The following RALYL variants were observed in gnomAD, a reference collection of about 807,000 sequenced individuals.
The protein encoded by RALYL is RNA-binding Raly-like protein.
RALYL carries 29 observed loss-of-function variants against 35.1 expected under a neutral mutation model. The observed-to-expected ratio is 0.83, with a 90% CI of 0.61 to 1.13. The LOEUF (loss-of-function observed/expected upper bound fraction) is 1.13, where lower values mean the gene tolerates loss of function less well. Among genes scored for constraint, RALYL ranks in the 50% most tolerant of loss-of-function variants. RALYL has a pLI of 0.00. For missense variants in RALYL, 359 were observed against 360.4 expected (o/e 1.00, Z 0.03); for synonymous variants, 120 against 127.6 (o/e 0.94, Z 0.40).
chr8:84,504,107 G>A (rs754943302), intron 1 of RALYL, among the ~76,000 whole-genome samples: 1 of 151,774 alleles, frequency 6.6e-6, no homozygotes, highest in Admixed American at 6.6e-5. Context: ...AAATAAAATA[G>A]TTACTATAAA....
At chr8:84,730,571 A>G (rs1259152910) in intron 2 of RALYL, among the ~76,000 whole-genome samples, 3 of 152,146 alleles carry the variant, frequency 2.0e-5, no homozygotes, top group East Asian at 1.9e-4. Flanking sequence ...AGGGTATTCA[A>G]TTAGGAAAAG....
intron 1 of RALYL, among the ~76,000 whole-genome samples, chr8:84,427,576 A>G (rs927472182): frequency 6.6e-6 from 1 of 152,080 alleles, no homozygotes; most frequent in Non-Finnish European, 1.5e-5. Flanking sequence ...GTTCTTTAGT[A>G]TCATTTTTTA....
intron 1 of RALYL, among the ~76,000 whole-genome samples, chr8:84,354,758 G>A (rs1391277796): frequency 2.0e-5 from 3 of 150,244 alleles, no homozygotes; most frequent in Non-Finnish European, 4.4e-5. Context: ...GACAGGGGTA[G>A]CTAAAAGCTT....
chr8:84,494,681 T>C (rs918731786), intron 1 of RALYL, among the ~76,000 whole-genome samples: 1 of 152,156 alleles, frequency 6.6e-6, no homozygotes, highest in Non-Finnish European at 1.5e-5. Context: ...AATTCATTCA[T>C]GATTTGGCTC....
Position 84,774,673 on chromosome 8 carries a change from T to A in RALYL, c.332+19T>A. The A allele has an allele frequency of 6.5e-7, 1 of 1,541,438 alleles. No homozygotes were observed. The highest frequency in any genetic ancestry group is 1.2e-5 in the South Asian group (1 of 86,472). On this transcript the variant is annotated intron_variant, in intron 3 of 8. Coordinates refer to ENST00000521268, the MANE Select transcript of RALYL (RefSeq NM_173848.7). ...TTTACAGGTAAGTAGATAAGCACTG[T>A]TTTACTCTATATATTAGTGAAATTT...
intron 1 of RALYL, among the ~76,000 whole-genome samples, chr8:84,359,879 T>TG (rs1487174458): frequency 2.4e-5 from 3 of 126,452 alleles, no homozygotes; most frequent in Non-Finnish European, 3.6e-5. Context: ...AAAAATATCA[T>TG]GTTTTTTTTT....
At chr8:84,295,094 G>A (rs561372585) in intron 1 of RALYL, among the ~76,000 whole-genome samples, 55 of 152,250 alleles carry the variant, frequency 3.6e-4, no homozygotes, top group African/African-American at 1.3e-3. Flanking sequence ...TCTTATCTGG[G>A]TAAGAGAGAA....
chr8:84,779,452 T>G (rs534253491), intron 3 of RALYL, among the ~76,000 whole-genome samples: 1 of 152,264 alleles, frequency 6.6e-6, no homozygotes, highest in East Asian at 1.9e-4. Flanking sequence ...CAGTAAGACA[T>G]GTAGTATATA....
chr8:84,514,691 C>A (rs1454393934), intron 1 of RALYL, among the ~76,000 whole-genome samples: 1 of 152,142 alleles, frequency 6.6e-6, no homozygotes, highest in African/African-American at 2.4e-5. Flanking sequence ...TTCCAACATA[C>A]AAATTTTGAA....
At chr8:84,250,351 C>T (rs767210838) in intron 1 of RALYL, among the ~76,000 whole-genome samples, 88 of 151,814 alleles carry the variant, frequency 5.8e-4, no homozygotes, top group African/African-American at 1.7e-3. Flanking sequence ...TGTTATGTTT[C>T]GTTTTTATTT....
chr8:84,284,048 T>C (rs576253930), intron 1 of RALYL, among the ~76,000 whole-genome samples: 31 of 152,156 alleles, frequency 2.0e-4, no homozygotes, highest in Non-Finnish European at 3.7e-4. Flanking sequence ...ATAATTTTGT[T>C]GTAAAGACTA....
Position 84,849,039 on chromosome 8 carries a change from A to G in RALYL, c.366-941A>G, listed in dbSNP as rs112590359. Among the ~76,000 whole-genome samples the G allele has an allele frequency of 3.0e-3, 456 of 152,254 alleles. 1 individual carries two copies. The highest frequency in any genetic ancestry group is 0.011 in the African/African-American group (444 of 41,548). Reference sequence around the variant, plus strand: ...AGTCACTTAGGTCTGTTGCACCTTAATTTCTTCAGGTTATGCTGTCCAACA... The same window carrying G: ...AGTCACTTAGGTCTGTTGCACCTTAGTTTCTTCAGGTTATGCTGTCCAACA... On this transcript the variant is annotated intron_variant, in intron 4 of 8. Coordinates refer to ENST00000521268, the MANE Select transcript of RALYL (RefSeq NM_173848.7).
intron 2 of RALYL, among the ~76,000 whole-genome samples, chr8:84,674,572 A>G (rs952602835): frequency 6.6e-6 from 1 of 151,782 alleles, no homozygotes; most frequent in African/African-American, 2.4e-5. Context: ...GGCTCTTCCT[A>G]CTCCTTCCAA....
At chr8:84,501,539 T>G (rs1051712593) in intron 1 of RALYL, among the ~76,000 whole-genome samples, 4 of 151,990 alleles carry the variant, frequency 2.6e-5, no homozygotes, top group African/African-American at 9.7e-5. Flanking sequence ...CCATAAGATA[T>G]AAACATAATA....
At chr8:84,422,738 G>C (rs2045816680) in intron 1 of RALYL, among the ~76,000 whole-genome samples, 1 of 142,102 alleles carries the variant, frequency 7.0e-6, no homozygotes, top group Non-Finnish European at 1.5e-5. Context: ...CAGAGATTCT[G>C]GTATGTTGTG....
At chr8:84,314,869 AT>A (rs780900409) in intron 1 of RALYL, among the ~76,000 whole-genome samples, 5 of 152,250 alleles carry the variant, frequency 3.3e-5, no homozygotes. Context: ...GAACAGTTCA[AT>A]AGAAAAATAG....
chr8:84,641,808 A>C (rs971081005), intron 2 of RALYL, among the ~76,000 whole-genome samples: 2 of 150,578 alleles, frequency 1.3e-5, no homozygotes, highest in Non-Finnish European at 3.0e-5. Flanking sequence ...AAAAAAAAAA[A>C]CTCATATACA....
chr8:84,248,790 A>G lies in RALYL; in HGVS notation c.-24+64366A>G, dbSNP rs183806522. Among the ~76,000 whole-genome samples the G allele has an allele frequency of 8.3e-4, 127 of 152,248 alleles. 1 individual carries two copies. In the Middle Eastern group the frequency reaches 0.017, roughly 20 times the overall value. On this transcript the variant is annotated intron_variant, in intron 1 of 8. Coordinates refer to ENST00000521268, the MANE Select transcript of RALYL (RefSeq NM_173848.7). Reference sequence around the variant, plus strand: ...TTATATGCTTCCAAAATGAAAGCATATAAGTAGCAGCAGTTTCATTTTGTG... The same window carrying G: ...TTATATGCTTCCAAAATGAAAGCATGTAAGTAGCAGCAGTTTCATTTTGTG...
chr8:84,869,554 A>G (rs773190519), intron 6 of RALYL, among the ~76,000 whole-genome samples: 22 of 152,266 alleles, frequency 1.4e-4, no homozygotes, highest in Non-Finnish European at 2.5e-4. Context: ...ATTTGGGGTC[A>G]GATAATTCTG....
Sources: gnomAD v4.1 joint callset for allele counts (sites outside exome capture counted in the v4.1 genomes callset) on GRCh38, gnomAD v4.1.1 for gene constraint, MANE v1.5 for transcripts, NCBI Gene and HGNC (gene_info 2026-07-23, HGNC 2026-07-21) for gene names.